The following OPCML variants were observed in gnomAD, a reference collection of about 807,000 sequenced individuals.
The protein encoded by OPCML is opioid binding protein/cell adhesion molecule like.
OPCML carries 13 observed loss-of-function variants against 37.8 expected under a neutral mutation model. The ratio of observed to expected loss-of-function variants is 0.34; its 90% CI spans 0.22 to 0.55. OPCML has a LOEUF of 0.55. Among genes scored for constraint, OPCML ranks in the 20% least tolerant of loss-of-function variants. The pLI is 0.91. For synonymous variants in OPCML, 176 were observed against 168.8 expected (o/e 1.04, Z -0.33); for missense variants, 341 against 435.6 (o/e 0.78, Z 1.93).
At chr11:133,230,942 C>T (rs1354197883) in intron 1 of OPCML, among the ~76,000 whole-genome samples, 2 of 152,182 alleles carry the variant, frequency 1.3e-5, no homozygotes, top group Non-Finnish European at 2.9e-5. Context: ...GTGATTCAGA[C>T]ACCGGATCTG....
Position 133,152,875 on chromosome 11 carries a change from C to CT in OPCML, c.62-209866dup, listed in dbSNP as rs11361893. On this transcript the variant is annotated intron_variant, in intron 1 of 7. Transcript: ENST00000524381. ...ATAAAAGGGTTGAAGTCAGGTTATC[C>CT]TTTTTTTTTTTTTATCATCATTTTG... Among the ~76,000 whole-genome samples the CT allele has an allele frequency of 1.0e-2, 1,475 of 147,858 alleles. 18 individuals carry two copies. The highest frequency in any genetic ancestry group is 0.023 in the African/African-American group (931 of 40,686).
intron 1 of OPCML, among the ~76,000 whole-genome samples, chr11:133,508,591 T>G (rs1005780514): frequency 1.3e-5 from 2 of 152,176 alleles, no homozygotes; most frequent in Non-Finnish European, 2.9e-5. Context: ...TCATCTGGGC[T>G]GCCGCAGGCA....
chr11:133,413,344 G>A (rs956889753), intron 1 of OPCML, among the ~76,000 whole-genome samples: 2 of 151,328 alleles, frequency 1.3e-5, no homozygotes, highest in Admixed American at 6.6e-5. Flanking sequence ...AGGGGGGAGG[G>A]GGAGGGATAG....
At chr11:132,989,346 A>G (rs1006846756) in intron 1 of OPCML, among the ~76,000 whole-genome samples, 8 of 152,214 alleles carry the variant, frequency 5.3e-5, no homozygotes, top group Admixed American at 3.3e-4. Context: ...AAAACTATGG[A>G]TAATCTTGGA....
Position 132,873,819 on chromosome 11 carries a change from TAAAA to T in OPCML, c.146+69103_146+69106del, listed in dbSNP as rs5795807. ...AGTAGCTAAAACAAACTAAATCAAA[TAAAA>T]AAAATTAGAAAGTAAAGGAGCAAAT... On this transcript the variant is annotated intron_variant, in intron 2 of 7. Transcript: ENST00000524381. Among the ~76,000 whole-genome samples, 19 of 149,120 alleles carry T rather than the reference TAAAA, an allele frequency of 1.3e-4. No individual in the cohort carries two copies. In the East Asian group the frequency reaches 3.8e-3, roughly 30 times the overall value.
intron 1 of OPCML, among the ~76,000 whole-genome samples, chr11:133,038,100 G>A (rs1947814893): frequency 6.6e-6 from 1 of 152,250 alleles, no homozygotes; most frequent in Non-Finnish European, 1.5e-5. Flanking sequence ...AAGTAGGGTG[G>A]TGGCCACCTC....
intron 1 of OPCML, among the ~76,000 whole-genome samples, chr11:132,978,412 C>T (rs147172231): frequency 3.0e-4 from 45 of 152,176 alleles, no homozygotes; most frequent in African/African-American, 8.0e-4. Context: ...GTATCTTCTC[C>T]GCTGAAAAGC....
Position 132,944,798 on chromosome 11 carries a change from G to T in OPCML, c.62-1788C>A, listed in dbSNP as rs914565439. ...TTGGGCCCCTCGGGAGGCCCTCTCCGCTCCCCTGGCAGAAGCCTCCCCGTT... is the reference window on the plus strand; with the variant it reads ...TTGGGCCCCTCGGGAGGCCCTCTCCTCTCCCCTGGCAGAAGCCTCCCCGTT... On this transcript the variant is annotated intron_variant, in intron 1 of 7. Coordinates refer to ENST00000524381, the MANE Select transcript of OPCML (RefSeq NM_001012393.5). Among the ~76,000 whole-genome samples the T allele has an allele frequency of 5.9e-5, 9 of 152,126 alleles. No homozygotes were observed. In the East Asian group the frequency reaches 1.7e-3, roughly 29 times the overall value.
intron 1 of OPCML, chr11:133,025,382 C>A: frequency 1.0e-6 from 1 of 985,132 alleles, no homozygotes; most frequent in Non-Finnish European, 1.2e-6. Flanking sequence ...TGGCTTGAAA[C>A]CAGTACTAGC....
chr11:133,495,285 T>G (rs1947760492), intron 1 of OPCML, among the ~76,000 whole-genome samples: 1 of 152,222 alleles, frequency 6.6e-6, no homozygotes, highest in African/African-American at 2.4e-5. Flanking sequence ...TACCACAGTT[T>G]CTTTATCCAC....
chr11:132,761,440 C>CA (rs1946263636), intron 2 of OPCML, among the ~76,000 whole-genome samples: 1 of 152,104 alleles, frequency 6.6e-6, no homozygotes, highest in South Asian at 2.1e-4. Flanking sequence ...GTTTCATATA[C>CA]ACCTATCAAA....
chr11:133,014,326 T>A (rs1259172612), intron 1 of OPCML, among the ~76,000 whole-genome samples: 1 of 152,176 alleles, frequency 6.6e-6, no homozygotes, highest in Admixed American at 6.5e-5. Flanking sequence ...TTGTTTTTTT[T>A]TTCCTGTTAG....
At chr11:132,841,860 CAAAAAAAAAAAAAAAAAAA>C (rs71067402) in intron 2 of OPCML, among the ~76,000 whole-genome samples, 1 of 34,684 alleles carries the variant, frequency 2.9e-5, no homozygotes, top group Non-Finnish European at 4.8e-5. Flanking sequence ...CACTCTATCT[CAAAAAAAAAAAAAAAAAAA>C]AAAAAAAAAA....
At chr11:132,773,748 T>A (rs1259379419) in intron 2 of OPCML, among the ~76,000 whole-genome samples, 3 of 152,128 alleles carry the variant, frequency 2.0e-5, no homozygotes, top group African/African-American at 7.2e-5. Context: ...TCTTTCTGTA[T>A]CTCCTTTCTT....
intron 4 of OPCML, among the ~76,000 whole-genome samples, chr11:132,453,481 C>T (rs145937391): frequency 1.2e-3 from 187 of 152,284 alleles, no homozygotes; most frequent in Admixed American, 1.6e-3. Context: ...AACACATGAT[C>T]GGGCCCCACA....
intron 1 of OPCML, among the ~76,000 whole-genome samples, chr11:133,293,454 C>T (rs959425666): frequency 1.3e-5 from 2 of 152,144 alleles, no homozygotes; most frequent in African/African-American, 4.8e-5. Flanking sequence ...GAGTATATGC[C>T]TGATAGGTAA....
intron 1 of OPCML, among the ~76,000 whole-genome samples, chr11:133,431,946 G>T (rs979043328): frequency 2.0e-5 from 3 of 151,780 alleles, no homozygotes; most frequent in Non-Finnish European, 4.4e-5. Flanking sequence ...AATACGTACG[G>T]TTCTCTCTGG....
intron 1 of OPCML, among the ~76,000 whole-genome samples, chr11:132,949,519 A>G (rs893591500): frequency 1.3e-4 from 20 of 152,316 alleles, no homozygotes; most frequent in Middle Eastern, 3.4e-3. Context: ...ACTTCCAACC[A>G]GTATCCTGGG....
intron 1 of OPCML, among the ~76,000 whole-genome samples, chr11:133,130,272 G>T (rs886914732): frequency 6.6e-6 from 1 of 151,898 alleles, no homozygotes; most frequent in Non-Finnish European, 1.5e-5. Flanking sequence ...GAAAATATAT[G>T]ATAAAAGAAA....
Sources: allele counts gnomAD v4.1 joint callset (sites outside exome capture counted in the v4.1 genomes callset), GRCh38; gene constraint gnomAD v4.1.1; transcripts MANE v1.5; gene names NCBI Gene and HGNC (gene_info 2026-07-23, HGNC 2026-07-21).